LRRC4C: variants seen among roughly 807,000 people sequenced by gnomAD.
LRRC4C encodes the protein leucine-rich repeat-containing protein 4C.
LRRC4C carries 5 observed loss-of-function variants against 33.6 expected under a neutral mutation model. That is an observed-to-expected ratio of 0.15 (90% CI 0.08 to 0.31). The LOEUF is 0.31. LRRC4C is among the 10% of genes least tolerant of loss of function. The pLI is 1.00. For synonymous variants in LRRC4C, 329 were observed against 302.0 expected (o/e 1.09, Z -0.93); for missense variants, 560 against 796.7 (o/e 0.70, Z 3.58).
chr11:40,522,006 A>G (rs1209247200), intron 3 of LRRC4C, among the ~76,000 whole-genome samples: 2 of 152,192 alleles, frequency 1.3e-5, no homozygotes, highest in African/African-American at 4.8e-5. Context: ...TTCTAAAAAG[A>G]TGTATTAACA....
chr11:41,351,252 TAC>T (rs35682867), intron 1 of LRRC4C, among the ~76,000 whole-genome samples: 92,719 of 149,242 alleles, frequency 0.62, 29,356 homozygotes, highest in East Asian at 0.79. Flanking sequence ...CACACACACA[TAC>T]ACACACACAC....
In LRRC4C at chr11:40,135,250, A is replaced by G. The variant is rs374160596; in HGVS notation, c.-43+5551T>C. Among the ~76,000 whole-genome samples the G allele has an allele frequency of 5.2e-4, 79 of 152,330 alleles. 2 individuals are homozygous for G. The South Asian group carries it at 0.016, about 31-fold the overall frequency. The stretch of plus-strand genomic sequence containing the variant: ...ATGCAGACATTTGAAAATTAGATTC[A>G]CAGTTATTTATTTACTTAAGGCAGT... On this transcript the variant is annotated intron_variant, in intron 6 of 6. Coordinates refer to ENST00000528697, the MANE Select transcript of LRRC4C (RefSeq NM_001258419.2).
intron 5 of LRRC4C, among the ~76,000 whole-genome samples, chr11:40,177,198 C>A (rs1052321520): frequency 6.6e-6 from 1 of 151,758 alleles, no homozygotes; most frequent in African/African-American, 2.4e-5. Context: ...CGTAATCTGC[C>A]CACCTCGGCC....
chr11:40,764,827 G>T (rs1177990969), intron 2 of LRRC4C, among the ~76,000 whole-genome samples: 1 of 152,166 alleles, frequency 6.6e-6, no homozygotes, highest in Non-Finnish European at 1.5e-5. Flanking sequence ...TTTTACCCAA[G>T]ATCACCAAGG....
chr11:40,315,698 C>T lies in LRRC4C; in HGVS notation c.-176+3930G>A, dbSNP rs79161526. The stretch of plus-strand genomic sequence containing the variant: ...CTAATGATCATGCCTGTAGATATGT[C>T]TTCATTTGTCCACTGATTTATTTGC... On this transcript the variant is annotated intron_variant, in intron 4 of 6. Transcript: ENST00000528697. Among the ~76,000 whole-genome samples the T allele has an allele frequency of 2.0e-3, 309 of 151,978 alleles. 6 individuals are homozygous for T. The highest frequency in any genetic ancestry group is 7.2e-3 in the African/African-American group (298 of 41,430).
At chr11:40,636,271 T>A (rs1215356476) in intron 3 of LRRC4C, among the ~76,000 whole-genome samples, 1 of 152,114 alleles carries the variant, frequency 6.6e-6, no homozygotes, top group Non-Finnish European at 1.5e-5. Flanking sequence ...ACGGAGTACA[T>A]GGAGCAATTG....
At chr11:40,612,539 A>G (rs1961336003) in intron 3 of LRRC4C, among the ~76,000 whole-genome samples, 1 of 151,940 alleles carries the variant, frequency 6.6e-6, no homozygotes, top group Non-Finnish European at 1.5e-5. Context: ...TTTATGCTAT[A>G]TGTTTTTACC....
At chr11:41,024,012 AT>A (rs902687376) in intron 1 of LRRC4C, among the ~76,000 whole-genome samples, 8 of 151,446 alleles carry the variant, frequency 5.3e-5, no homozygotes, top group East Asian at 2.0e-4. Flanking sequence ...AGCAATTAAC[AT>A]TTTTTTTCTA....
chr11:41,364,554 G>A, intron 1 of LRRC4C, among the ~76,000 whole-genome samples: 1 of 152,098 alleles, frequency 6.6e-6, no homozygotes, highest in East Asian at 1.9e-4. Context: ...AGGATTACAG[G>A]CATGAGCCAC....
intron 1 of LRRC4C, among the ~76,000 whole-genome samples, chr11:41,152,217 G>A (rs935512806): frequency 1.3e-5 from 2 of 152,174 alleles, no homozygotes; most frequent in Non-Finnish European, 2.9e-5. Flanking sequence ...GCCTACACCT[G>A]AGTGACTGAT....
intron 2 of LRRC4C, among the ~76,000 whole-genome samples, chr11:40,885,647 GTATCGTACTGAAAATAAAAA>G (rs1392339784): frequency 6.6e-6 from 1 of 152,000 alleles, no homozygotes; most frequent in African/African-American, 2.4e-5. Context: ...AGAGACACAG[GTATCGTACTGAAAATAAAAA>G]TATCAAAAAT....
chr11:41,262,230 C>T (rs1450455431), intron 1 of LRRC4C, among the ~76,000 whole-genome samples: 1 of 151,914 alleles, frequency 6.6e-6, no homozygotes, highest in African/African-American at 2.4e-5. Context: ...TCCAGTGACA[C>T]AGATATGCCC....
At chr11:40,395,201 A>G (rs1730697686) in intron 3 of LRRC4C, among the ~76,000 whole-genome samples, 1 of 152,126 alleles carries the variant, frequency 6.6e-6, no homozygotes, top group Non-Finnish European at 1.5e-5. Context: ...TAATTCAAAT[A>G]CTACCTTGTA....
intron 2 of LRRC4C, among the ~76,000 whole-genome samples, chr11:40,875,070 T>G (rs1954821513): frequency 6.6e-6 from 1 of 152,142 alleles, no homozygotes; most frequent in Non-Finnish European, 1.5e-5. Context: ...AATGTCAGAA[T>G]TTATATAACA....
chr11:41,332,338 AG>A (rs1415228316), intron 1 of LRRC4C, among the ~76,000 whole-genome samples: 1 of 152,188 alleles, frequency 6.6e-6, no homozygotes, highest in Non-Finnish European at 1.5e-5. Flanking sequence ...ATAATACTTT[AG>A]GGTTTTTTTA....
chr11:40,487,602 C>T (rs1953929194), intron 3 of LRRC4C, among the ~76,000 whole-genome samples: 1 of 151,312 alleles, frequency 6.6e-6, no homozygotes, highest in South Asian at 2.1e-4. Context: ...AAGAACTTGT[C>T]AACTAGTAAA....
At chr11:40,797,589 T>C (rs2135240542) in intron 2 of LRRC4C, among the ~76,000 whole-genome samples, 1 of 152,286 alleles carries the variant, frequency 6.6e-6, no homozygotes, top group East Asian at 1.9e-4. Flanking sequence ...CAAATGTATT[T>C]CCAATTTCTC....
chr11:40,895,777 G>A (rs1955912366), intron 2 of LRRC4C, among the ~76,000 whole-genome samples: 1 of 152,084 alleles, frequency 6.6e-6, no homozygotes, highest in African/African-American at 2.4e-5. Context: ...ACTTAAAAAT[G>A]ATTTTAAGTA....
Position 40,953,303 on chromosome 11 carries a change from T to C in LRRC4C, c.-495-19580A>G, listed in dbSNP as rs562485089. Among the ~76,000 whole-genome samples the C allele has an allele frequency of 1.2e-4, 18 of 152,008 alleles. No individual in the cohort carries two copies. The South Asian group carries it at 3.5e-3, about 30-fold the overall frequency. On this transcript the variant is annotated intron_variant, in intron 1 of 6. Coordinates refer to ENST00000528697, the MANE Select transcript of LRRC4C (RefSeq NM_001258419.2). ...ACTTTTCAATGAGAATTTTACAATT[T>C]ATTATCAAGGTTTTTCATTTCCTGA...
Sources: allele counts gnomAD v4.1 joint callset (sites outside exome capture counted in the v4.1 genomes callset), GRCh38; gene constraint gnomAD v4.1.1; transcripts MANE v1.5; gene names NCBI Gene and HGNC (gene_info 2026-07-23, HGNC 2026-07-21).